The following FAT2 variants were observed in gnomAD, a reference collection of about 807,000 sequenced individuals.
FAT2 encodes the protein protocadherin Fat 2.
Under a neutral mutation model 295.3 loss-of-function variants are expected in FAT2, and 150 were observed. The ratio of observed to expected loss-of-function variants is 0.51; its 90% confidence interval spans 0.44 to 0.58. The LOEUF (loss-of-function observed/expected upper bound fraction) is 0.58, where lower values mean the gene tolerates loss of function less well. Ranked by LOEUF, FAT2 falls within the 20% of genes least tolerant of loss-of-function variation. The pLI is 0.00. For missense variants in FAT2, 4,868 were observed against 5,442.7 expected, an observed-to-expected ratio of 0.89 and a Z score of 3.32; for synonymous variants, 2,026 against 2,150.3, an observed-to-expected ratio of 0.94 and a Z score of 1.60.
In FAT2 at chr5:151,567,400, A is replaced by C; in HGVS notation, c.1532T>G (p.Leu511Arg). The change falls in exon 2 of 24, where the codon CTG (leucine) becomes CGG (arginine). Residue 511 changes from leucine to arginine, a missense_variant. Coordinates refer to ENST00000261800, the MANE Select transcript of FAT2 (RefSeq NM_001447.3). ...GGGTTTGGAGGTGGAGATGATCCCC[A>C]GGTAGGGGTCAATAGAAAATGGCAA... ...KALPFSIDPY[L>R]GIISTSKPMD... 6.2e-7 allele frequency: 1 copy of C among 1,614,192 alleles called. No individual in the cohort carries two copies. The highest frequency in any genetic ancestry group is 8.5e-7 in the Non-Finnish European group (1 of 1,180,020).
chr5:151,517,114 A>C (rs1038778030), intron 20 of FAT2, among the ~76,000 whole-genome samples: 2 of 152,168 alleles, frequency 1.3e-5, no homozygotes, highest in African/African-American at 4.8e-5. Context: ...TCTCAAAAAA[A>C]AAAAAAAGAA....
intron 12 of FAT2, among the ~76,000 whole-genome samples, chr5:151,534,970 A>ATATATATATATATATATATATATATAT (rs1755078921): frequency 1.0e-4 from 11 of 106,400 alleles, no homozygotes; most frequent in South Asian, 3.5e-4. Flanking sequence ...CTTCTAGGAA[A>ATATATATATATATATATATATATATAT]ATATATATAT....
intron 8 of FAT2, among the ~76,000 whole-genome samples, chr5:151,549,932 G>C (rs558754116): frequency 3.3e-5 from 5 of 152,294 alleles, no homozygotes; most frequent in African/African-American, 1.2e-4. Context: ...CGTATTATAT[G>C]CCCAGAGGAT....
At position 151,567,088 on chromosome 5, in the gene FAT2, A is replaced by C. The variant is rs1204900016; in HGVS notation, c.1844T>G (p.Phe615Cys). 1 of 1,614,078 alleles carries C rather than the reference A, an allele frequency of 6.2e-7. No homozygotes were observed. Among genetic ancestry groups the C allele is most frequent in the South Asian group, 1.1e-5 (1 of 91,074 alleles). ...NELEYFDLNH[F>C]SGVISLKRPF... ...GCGTTTGAGGGATATCACTCCGGAGAAATGATTTAGATCAAAATACTCTAG... is the reference window on the plus strand; with the variant it reads ...GCGTTTGAGGGATATCACTCCGGAGCAATGATTTAGATCAAAATACTCTAG... The change falls in exon 2 of 24, where the codon TTC (phenylalanine) becomes TGC (cysteine). Residue 615 changes from phenylalanine (F) to cysteine (C), a missense_variant. Coordinates refer to ENST00000261800, the MANE Select transcript of FAT2 (RefSeq NM_001447.3).
chr5:151,546,782 G>A (rs1423434112), intron 9 of FAT2, among the ~76,000 whole-genome samples: 1 of 151,744 alleles, frequency 6.6e-6, no homozygotes, highest in East Asian at 1.9e-4. Flanking sequence ...GTAGTGATGT[G>A]AGCATGGCTC....
chr5:151,542,705 CAGTG>C lies in FAT2; in HGVS notation c.8418_8421del (p.Thr2807ArgfsTer12). 6.2e-7 allele frequency: 1 copy of C among 1,614,228 alleles called. No individual in the cohort carries two copies. The highest frequency in any genetic ancestry group is 8.5e-7 in the Non-Finnish European group (1 of 1,180,034). ...ACTGAGGTCCCCACTGGCATATTCT[CAGTG>C]AGGACAGCCTTATATGGATCAGCCT... On this transcript the variant is annotated frameshift_variant, in exon 10 of 24. Coordinates refer to ENST00000261800, the MANE Select transcript of FAT2 (RefSeq NM_001447.3). LOFTEE classifies it high-confidence loss of function.
chr5:151,511,922 TC>T, intron 21 of FAT2: 1 of 546,232 alleles, frequency 1.8e-6, no homozygotes, highest in South Asian at 2.3e-5. Flanking sequence ...GCCCCTGAGG[TC>T]CCCATTCATA....
chr5:151,571,703 T>G (rs551022248), intron 1 of FAT2, among the ~76,000 whole-genome samples: 328 of 152,368 alleles, frequency 2.2e-3, no homozygotes, highest in African/African-American at 7.5e-3. Context: ...CAGGTTTAGA[T>G]GAGTGAACAA....
chr5:151,556,794 G>A (rs1397485894), intron 3 of FAT2, among the ~76,000 whole-genome samples: 1 of 152,160 alleles, frequency 6.6e-6, no homozygotes, highest in South Asian at 2.1e-4. Context: ...GGTAGGCAAG[G>A]CTAAGGTATC....
At position 151,563,377 on chromosome 5, in the gene FAT2, G is replaced by A. The variant is rs1758110090; in HGVS notation, c.3522C>T (p.Phe1174=). 6.2e-7 allele frequency: 1 copy of A among 1,614,114 alleles called. No individual in the cohort carries two copies. Among genetic ancestry groups the A allele is most frequent in the African/African-American group, 1.3e-5 (1 of 74,936 alleles). The change falls in exon 3 of 24, where the codon TTC becomes TTT. Residue 1174 remains phenylalanine, a synonymous_variant. Coordinates refer to ENST00000261800, the MANE Select transcript of FAT2 (RefSeq NM_001447.3). The stretch of plus-strand genomic sequence containing the variant: ...CCATGTAGTTCCCACTGGTGATGTT[G>A]AAGGTCAGCTTCCCTTTGGAGCTGG... ...PDSSSKGKLT[F]NITSGNYMGF...
At chr5:151,587,327 A>T (rs561076773) in intron 1 of FAT2, among the ~76,000 whole-genome samples, 15 of 152,240 alleles carry the variant, frequency 9.9e-5, no homozygotes, top group Middle Eastern at 6.8e-3. Flanking sequence ...GGCCTGACAC[A>T]TACAAAAAAG....
chr5:151,572,293 G>A (rs1236806423), intron 1 of FAT2, among the ~76,000 whole-genome samples: 1 of 152,094 alleles, frequency 6.6e-6, no homozygotes, highest in Non-Finnish European at 1.5e-5. Flanking sequence ...GTTGAGAAAT[G>A]GAAGAATCTA....
At chr5:151,581,612 T>G (rs1479654195) in intron 1 of FAT2, among the ~76,000 whole-genome samples, 1 of 152,230 alleles carries the variant, frequency 6.6e-6, no homozygotes, top group Non-Finnish European at 1.5e-5. Context: ...AGGCATTATC[T>G]CTTTTAAGCT....
chr5:151,584,576 T>A (rs537705594), intron 1 of FAT2, among the ~76,000 whole-genome samples: 1 of 152,334 alleles, frequency 6.6e-6, no homozygotes, highest in South Asian at 2.1e-4. Flanking sequence ...CTGCACCGCA[T>A]ACGGTCTCTG....
chr5:151,575,014 A>C (rs763539579), intron 1 of FAT2, among the ~76,000 whole-genome samples: 1 of 152,246 alleles, frequency 6.6e-6, no homozygotes, highest in Non-Finnish European at 1.5e-5. Context: ...GACAGGTGAA[A>C]GCACAGGGAG....
chr5:151,557,730 T>C (rs1278639498), intron 3 of FAT2, among the ~76,000 whole-genome samples: 2 of 152,228 alleles, frequency 1.3e-5, no homozygotes, highest in Non-Finnish European at 2.9e-5. Context: ...TGCATTGGGT[T>C]TCTATCTTTA....
intron 5 of FAT2, among the ~76,000 whole-genome samples, chr5:151,554,031 G>A (rs1387422571): frequency 6.6e-6 from 1 of 152,188 alleles, no homozygotes; most frequent in African/African-American, 2.4e-5. Flanking sequence ...AAGGTTAAAC[G>A]ACTTGTCCAA....
chr5:151,562,629 T>C (rs1413732229), intron 3 of FAT2, among the ~76,000 whole-genome samples: 1 of 152,190 alleles, frequency 6.6e-6, no homozygotes, highest in South Asian at 2.1e-4. Flanking sequence ...GATCCTTCCA[T>C]TTTTAAAAAA....
rs1282900987 is a variant in FAT2 at position 151,589,541 on chromosome 5, GTTC to G, written c.-21+1621_-21+1623del. Among the ~76,000 whole-genome samples, 4 of 152,284 alleles carry G rather than the reference GTTC, an allele frequency of 2.6e-5. No homozygotes were observed. The East Asian group carries it at 7.7e-4, about 29-fold the overall frequency. On this transcript the variant is annotated intron_variant, in intron 1 of 23. Coordinates refer to ENST00000261800, the MANE Select transcript of FAT2 (RefSeq NM_001447.3). ...GACATGGAACATTGAGCCTCTCAAGGTTCTTCATCAGCAAGATGGAGACAATCA... is the reference window on the plus strand; with the variant it reads ...GACATGGAACATTGAGCCTCTCAAGGTTCATCAGCAAGATGGAGACAATCA...
Sources: gnomAD v4.1 joint callset for allele counts (sites outside exome capture counted in the v4.1 genomes callset) on GRCh38, gnomAD v4.1.1 for gene constraint, MANE v1.5 for transcripts, NCBI Gene and HGNC (gene_info 2026-07-23, HGNC 2026-07-21) for gene names.